MACROD2: variants seen among roughly 807,000 people sequenced by gnomAD.
The protein encoded by MACROD2 is ADP-ribose glycohydrolase MACROD2.
A neutral mutation model predicts 70.4 loss-of-function variants in MACROD2; 36 were observed. The observed-to-expected ratio is 0.51, with a 90% CI of 0.39 to 0.68. The LOEUF is 0.68. MACROD2 is among the 30% of genes least tolerant of loss of function. The pLI is 0.00. For missense variants in MACROD2, 496 were observed against 538.4 expected, an observed-to-expected ratio of 0.92 and a Z score of 0.78; for synonymous variants, 172 against 178.8, an observed-to-expected ratio of 0.96 and a Z score of 0.30.
intron 5 of MACROD2, among the ~76,000 whole-genome samples, chr20:14,926,929 A>G (rs2074239984): frequency 6.6e-6 from 1 of 152,168 alleles, no homozygotes; most frequent in South Asian, 2.1e-4. Context: ...CAAATTGATG[A>G]TAATTATATT....
chr20:14,391,570 A>T (rs2083526939), intron 3 of MACROD2, among the ~76,000 whole-genome samples: 1 of 151,996 alleles, frequency 6.6e-6, no homozygotes, highest in African/African-American at 2.4e-5. Context: ...AACTTCCATG[A>T]CACAAGTTTA....
intron 17 of MACROD2, among the ~76,000 whole-genome samples, chr20:16,048,588 G>A (rs749761477): frequency 4.6e-5 from 7 of 151,996 alleles, no homozygotes; most frequent in Non-Finnish European, 7.4e-5. Context: ...GAAAACCAGG[G>A]ACCGCAGATA....
rs548855621 is a variant in MACROD2, at chr20:15,289,623, C to T, written c.540+59562C>T. On this transcript the variant is annotated intron_variant, in intron 6 of 17. Coordinates refer to ENST00000684519, the MANE Select transcript of MACROD2 (RefSeq NM_001351661.2). The stretch of plus-strand genomic sequence containing the variant: ...TCATCAGAGGTAGATCTTGAAAAGC[C>T]CTTCATGTGATCAAATGAAATTTTA... Among the ~76,000 whole-genome samples, 27 of 152,230 alleles carry T rather than the reference C, an allele frequency of 1.8e-4. No homozygotes were observed. In the South Asian group the frequency reaches 5.6e-3, roughly 32 times the overall value.
intron 13 of MACROD2, among the ~76,000 whole-genome samples, chr20:15,983,350 C>T (rs2066429634): frequency 6.6e-6 from 1 of 152,046 alleles, no homozygotes; most frequent in African/African-American, 2.4e-5. Flanking sequence ...AAGGGATAGC[C>T]AAATGGACTA....
At chr20:14,784,448 T>G (rs6034041) in intron 5 of MACROD2, among the ~76,000 whole-genome samples, 5,656 of 152,134 alleles carry the variant, frequency 0.037, 307 homozygotes, top group East Asian at 0.11. Flanking sequence ...CATTTTAGCT[T>G]CATTTTAGCA....
At chr20:15,349,388 A>G (rs2255548) in intron 6 of MACROD2, among the ~76,000 whole-genome samples, 94,423 of 151,978 alleles carry the variant, frequency 0.62, 29,437 homozygotes, top group East Asian at 0.75. Context: ...GGGGACACTA[A>G]TCTTTTACAG....
At chr20:14,737,058 A>AC (rs976702039) in intron 5 of MACROD2, among the ~76,000 whole-genome samples, 2 of 151,990 alleles carry the variant, frequency 1.3e-5, no homozygotes, top group Non-Finnish European at 2.9e-5. Flanking sequence ...GCACCCATCA[A>AC]CCCGTCACCT....
intron 5 of MACROD2, among the ~76,000 whole-genome samples, chr20:15,011,535 A>G (rs1352853863): frequency 6.6e-5 from 10 of 152,068 alleles, no homozygotes; most frequent in African/African-American, 2.4e-4. Flanking sequence ...TGTTCCCCCA[A>G]GTTCTTTTTG....
chr20:14,862,644 T>TATAAATATATATAA lies in MACROD2; in HGVS notation c.418+177688_418+177689insAATATATATAAATA, dbSNP rs1568841498. ...ATATATATATAAATATATATATAAA[T>TATAAATATATATAA]ATATATATATAAATATATATATAAA... On this transcript the variant is annotated intron_variant, in intron 5 of 17. Transcript: ENST00000684519. Among the ~76,000 whole-genome samples the TATAAATATATATAA allele has an allele frequency of 6.5e-3, 65 of 9,970 alleles. 3 individuals are homozygous for TATAAATATATATAA. The highest frequency in any genetic ancestry group is 0.018 in the South Asian group (4 of 218). The allele number at this position is 9,970 out of a possible 152,430, so 6.5% of individuals were successfully genotyped here. A position where few individuals can be genotyped will look rare whatever the true frequency, so the allele number is the denominator to read the frequency against.
rs572195896 is a variant in MACROD2, at chr20:15,426,125, C to T, written c.541-5280C>T. Reference sequence around the variant, plus strand: ...CAGAGACCTTTGTTCACTTGTTTATCTGCTGACCTTCCCTCCACTATTGTC... The same window carrying T: ...CAGAGACCTTTGTTCACTTGTTTATTTGCTGACCTTCCCTCCACTATTGTC... On this transcript the variant is annotated intron_variant, in intron 6 of 17. Coordinates refer to ENST00000684519, the MANE Select transcript of MACROD2 (RefSeq NM_001351661.2). 1.1e-4 allele frequency among the ~76,000 whole-genome samples: 16 copies of T among 151,472 alleles called. No homozygotes were observed. In the South Asian group the frequency reaches 2.3e-3, roughly 22 times the overall value.
chr20:15,951,220 A>AGCAGGAATGTTTT (rs2065898873), intron 12 of MACROD2, among the ~76,000 whole-genome samples: 2 of 151,852 alleles, frequency 1.3e-5, no homozygotes, highest in Non-Finnish European at 2.9e-5. Context: ...GATTTTCACA[A>AGCAGGAATGTTTT]GCAGGAATGT....
intron 4 of MACROD2, among the ~76,000 whole-genome samples, chr20:14,648,487 A>T (rs984157422): frequency 6.6e-6 from 1 of 152,196 alleles, no homozygotes; most frequent in Non-Finnish European, 1.5e-5. Context: ...AACTGGATTT[A>T]AACTAGGGAG....
chr20:15,364,705 C>T (rs1235982731), intron 6 of MACROD2, among the ~76,000 whole-genome samples: 1 of 152,196 alleles, frequency 6.6e-6, no homozygotes, highest in Non-Finnish European at 1.5e-5. Flanking sequence ...GTTATCTCCT[C>T]CTTTTCCAAT....
intron 15 of MACROD2, among the ~76,000 whole-genome samples, chr20:16,023,308 T>C (rs956060089): frequency 6.6e-6 from 1 of 151,278 alleles, no homozygotes; most frequent in Non-Finnish European, 1.5e-5. Flanking sequence ...ACCCCGTCTC[T>C]ACTAAAAATA....
chr20:15,332,318 A>G (rs1021358749), intron 6 of MACROD2, among the ~76,000 whole-genome samples: 1 of 151,684 alleles, frequency 6.6e-6, no homozygotes, highest in African/African-American at 2.4e-5. Context: ...AGCCTAATCA[A>G]TCTAAGGCTT....
At chr20:15,883,754 A>G (rs1568616876) in intron 9 of MACROD2, among the ~76,000 whole-genome samples, 1 of 152,150 alleles carries the variant, frequency 6.6e-6, no homozygotes, top group African/African-American at 2.4e-5. Context: ...TGTATAAAAC[A>G]CATAGAAAAT....
intron 3 of MACROD2, among the ~76,000 whole-genome samples, chr20:14,094,964 C>T (rs2054202242): frequency 6.6e-6 from 1 of 152,150 alleles, no homozygotes; most frequent in African/African-American, 2.4e-5. Context: ...CTGGGCTTTG[C>T]ACAAGCTGCT....
At chr20:14,406,548 CCTT>C (rs1003182273) in intron 3 of MACROD2, among the ~76,000 whole-genome samples, 23 of 152,058 alleles carry the variant, frequency 1.5e-4, no homozygotes, top group African/African-American at 5.6e-4. Flanking sequence ...TATTTAGTCT[CCTT>C]CTTTTGAACT....
intron 8 of MACROD2, among the ~76,000 whole-genome samples, chr20:15,756,141 A>G (rs942151711): frequency 2.0e-5 from 3 of 152,148 alleles, no homozygotes; most frequent in Non-Finnish European, 1.5e-5. Context: ...AACCTCTGCC[A>G]CTGCCTATGA....
Sources: gnomAD v4.1 joint callset for allele counts (sites outside exome capture counted in the v4.1 genomes callset) on GRCh38, gnomAD v4.1.1 for gene constraint, MANE v1.5 for transcripts, NCBI Gene and HGNC (gene_info 2026-07-23, HGNC 2026-07-21) for gene names.